The following ZC3H13 variants were observed in gnomAD, a reference collection of about 807,000 sequenced individuals.
The protein encoded by ZC3H13 is zinc finger CCCH-type containing 13.
A neutral mutation model predicts 204.1 loss-of-function variants in ZC3H13; 64 were observed. The observed-to-expected ratio is 0.31, with a 90% CI of 0.26 to 0.39. The LOEUF (loss-of-function observed/expected upper bound fraction) is 0.39. Among genes scored for constraint, ZC3H13 ranks in the 10% least tolerant of loss-of-function variants. The pLI, the probability that ZC3H13 is intolerant of heterozygous loss-of-function variation, is 1.00. For synonymous variants in ZC3H13, 667 were observed against 693.7 expected (o/e 0.96, Z 0.60); for missense variants, 1,833 against 2,082.7 (o/e 0.88, Z 2.33).
chr13:45,973,840 T>TA (rs1952792626), intron 12 of ZC3H13, among the ~76,000 whole-genome samples: 1 of 152,148 alleles, frequency 6.6e-6, no homozygotes, highest in Admixed American at 6.6e-5. Context: ...CTCTGAAGTT[T>TA]ATGTTCAGGT....
intron 1 of ZC3H13, among the ~76,000 whole-genome samples, chr13:46,046,979 A>G (rs1006062942): frequency 2.0e-5 from 3 of 152,218 alleles, no homozygotes; most frequent in Non-Finnish European, 1.5e-5. Context: ...AATCATCAAA[A>G]GTTACTAGAA....
chr13:46,011,164 T>C (rs994974296), intron 6 of ZC3H13, among the ~76,000 whole-genome samples: 1 of 152,170 alleles, frequency 6.6e-6, no homozygotes, highest in South Asian at 2.1e-4. Context: ...AACCCCATGT[T>C]ACATTAGCTG....
chr13:45,982,665 C>T (rs1953752112), intron 10 of ZC3H13, among the ~76,000 whole-genome samples: 1 of 152,116 alleles, frequency 6.6e-6, no homozygotes, highest in South Asian at 2.1e-4. Flanking sequence ...GGAATATTTG[C>T]ATTATATTGG....
At chr13:45,965,707 A>ATTTTT in intron 15 of ZC3H13, among the ~76,000 whole-genome samples, 1 of 152,146 alleles carries the variant, frequency 6.6e-6, no homozygotes, top group Non-Finnish European at 1.5e-5. Context: ...TGACAAATAA[A>ATTTTT]AGCTACTACT....
intron 8 of ZC3H13, among the ~76,000 whole-genome samples, chr13:45,991,891 T>C (rs551980624): frequency 1.3e-5 from 2 of 152,196 alleles, no homozygotes; most frequent in Admixed American, 1.3e-4. Flanking sequence ...TGGGAAAAAA[T>C]GTGAAAAGTT....
At chr13:46,038,608 C>G (rs925677396) in intron 4 of ZC3H13, among the ~76,000 whole-genome samples, 2 of 152,206 alleles carry the variant, frequency 1.3e-5, no homozygotes, top group African/African-American at 4.8e-5. Flanking sequence ...CACAGTTGCC[C>G]TTACCTAACA....
chr13:46,023,445 G>A (rs992293651), intron 4 of ZC3H13, among the ~76,000 whole-genome samples: 9 of 151,954 alleles, frequency 5.9e-5, no homozygotes, highest in South Asian at 2.1e-4. Context: ...CTTCTTTCAC[G>A]TGCTAGCCCT....
intron 1 of ZC3H13, among the ~76,000 whole-genome samples, chr13:46,051,204 A>G (rs535029744): frequency 6.6e-6 from 1 of 152,248 alleles, no homozygotes; most frequent in African/African-American, 2.4e-5. Flanking sequence ...TTCATATTAC[A>G]AATATGAAAA....
Position 45,982,209 on chromosome 13 carries a change from G to A in ZC3H13, c.1721-2205C>T, listed in dbSNP as rs537322602. ...AAAGAATTACAGCATGATTCTACGG[G>A]TATTTTAATAATCAAAATAGCTGTG... On this transcript the variant is annotated intron_variant, in intron 10 of 18. Transcript: ENST00000679008. Among the ~76,000 whole-genome samples the A allele has an allele frequency of 4.6e-5, 7 of 151,912 alleles. No individual in the cohort carries two copies. In the East Asian group the frequency reaches 7.7e-4, roughly 17 times the overall value.
intron 18 of ZC3H13, among the ~76,000 whole-genome samples, chr13:45,958,451 A>G (rs1453033708): frequency 6.6e-6 from 1 of 152,138 alleles, no homozygotes; most frequent in Non-Finnish European, 1.5e-5. Context: ...TCAGATTTGG[A>G]AATTTTTTTG....
chr13:45,982,013 TATA>T (rs976334649), intron 10 of ZC3H13, among the ~76,000 whole-genome samples: 10 of 149,420 alleles, frequency 6.7e-5, no homozygotes, highest in South Asian at 2.1e-4. Context: ...AAACTTAAAG[TATA>T]ATAATAATAA....
At chr13:45,991,201 T>C (rs2039945063) in intron 8 of ZC3H13, among the ~76,000 whole-genome samples, 1 of 152,332 alleles carries the variant, frequency 6.6e-6, no homozygotes, top group Non-Finnish European at 1.5e-5. Context: ...TAAAATTGTT[T>C]CAAGAATGTC....
rs1025942396 is a variant in ZC3H13 at position 45,985,473 on chromosome 13, G to C, written c.1544C>G (p.Thr515Ser). 1.1e-5 allele frequency: 18 copies of C among 1,614,050 alleles called. No homozygotes were observed. The African/African-American group carries it at 1.5e-4, about 13-fold the overall frequency. The change falls in exon 10 of 19, where the codon ACT (threonine) becomes AGT (serine). Residue 515 changes from threonine (T) to serine (S), a missense_variant. Physicochemically the swap from Thr to Ser is moderately conservative, Grantham distance 58. This residue lies in a region of ZC3H13 where 1,574 missense variants were observed against 1,757.2 expected (regional missense o/e 0.90). Coordinates refer to ENST00000679008, the MANE Select transcript of ZC3H13 (RefSeq NM_001330564.2). ...TGGATATGTATCCTCCTTTCGATGAGTATCTCGACCTTCACGGTCCCTGTA... is the reference window on the plus strand; with the variant it reads ...TGGATATGTATCCTCCTTTCGATGACTATCTCGACCTTCACGGTCCCTGTA... ...HDYRDREGRDTHRKEDTYPEE... is the reference protein window; with the variant it reads ...HDYRDREGRDSHRKEDTYPEE...
chr13:45,964,202 C>A (rs1219940350), intron 16 of ZC3H13, among the ~76,000 whole-genome samples, 160 bp from the exon 17 acceptor site: 1 of 152,194 alleles, frequency 6.6e-6, no homozygotes, highest in East Asian at 1.9e-4. Flanking sequence ...CCATATAATA[C>A]TCAGAATCTA....
intron 7 of ZC3H13, among the ~76,000 whole-genome samples, chr13:46,004,100 T>C (rs187373612): frequency 6.6e-6 from 1 of 152,102 alleles, no homozygotes; most frequent in East Asian, 1.9e-4. Context: ...TATATATATA[T>C]AGTCACAACT....
chr13:45,988,717 C>T (rs2039739847), intron 9 of ZC3H13, 70 bp downstream of exon 9: 4 of 1,503,806 alleles, frequency 2.7e-6, no homozygotes, highest in African/African-American at 1.4e-5. Context: ...AGTCTTTCTC[C>T]ATCTCTTAGT....
chr13:46,042,394 TAC>T, intron 3 of ZC3H13, 119 bp from the exon 4 acceptor site: 1 of 634,760 alleles, frequency 1.6e-6, no homozygotes, highest in Non-Finnish European at 2.5e-6. Context: ...CAAATCTCAA[TAC>T]ACTTTTTCTA....
intron 10 of ZC3H13, among the ~76,000 whole-genome samples, chr13:45,983,076 T>C (rs1207221857): frequency 2.6e-5 from 4 of 151,992 alleles, no homozygotes; most frequent in African/African-American, 9.7e-5. Flanking sequence ...TAAGAAAAAT[T>C]ACATGTAGAT....
At chr13:45,993,785 GAAC>G (rs1593580828) in intron 8 of ZC3H13, among the ~76,000 whole-genome samples, 1 of 152,100 alleles carries the variant, frequency 6.6e-6, no homozygotes, top group East Asian at 1.9e-4. Context: ...ATTTCTAACT[GAAC>G]AATCTTACAG....
Sources: gnomAD v4.1 joint callset for allele counts (sites outside exome capture counted in the v4.1 genomes callset) on GRCh38, gnomAD v4.1.1 for gene constraint, gnomAD v4.1.1 regional missense constraint, MANE v1.5 for transcripts, NCBI Gene and HGNC (gene_info 2026-07-23, HGNC 2026-07-21) for gene names.